The following EDA2R variants were observed in gnomAD, a reference collection of about 807,000 sequenced individuals.
EDA2R encodes the protein ectodysplasin A2 receptor.
EDA2R carries 26 observed loss-of-function variants against 20.1 expected under a neutral mutation model. The ratio of observed to expected loss-of-function variants is 1.30; its 90% CI spans 0.95 to 1.80. The LOEUF is 1.80. EDA2R is among the 40% of genes most tolerant of loss of function. The pLI is 0.00. For missense variants in EDA2R, 277 were observed against 228.7 expected (o/e 1.21, Z -1.36); for synonymous variants, 114 against 88.7 (o/e 1.29, Z -1.60).
At chrX:66,610,606 C>T (rs1282816227) in intron 2 of EDA2R, among the ~76,000 whole-genome samples, 4 of 111,614 alleles carry the variant, frequency 3.6e-5, no homozygotes, top group Non-Finnish European at 7.5e-5. Context: ...TATTGGTTAA[C>T]TCAGAAAACA....
intron 1 of EDA2R, among the ~76,000 whole-genome samples, chrX:66,620,951 T>C (rs1448900695): frequency 8.5e-5 from 8 of 94,515 alleles, no homozygotes; most frequent in Non-Finnish European, 1.3e-4. Flanking sequence ...AAAACAGCAC[T>C]TTATATCCAC....
chrX:66,637,985 G>T (rs902455745), intron 1 of EDA2R, among the ~76,000 whole-genome samples: 2 of 111,858 alleles, frequency 1.8e-5, no homozygotes, highest in African/African-American at 3.3e-5. Flanking sequence ...TTCAAAAAAA[G>T]AATAAAAAAA....
chrX:66,608,381 C>A (rs1374540152), intron 2 of EDA2R, among the ~76,000 whole-genome samples: 3 of 111,123 alleles, frequency 2.7e-5, no homozygotes, highest in African/African-American at 9.8e-5. Context: ...ATAAAGAGAC[C>A]TATGCTGAGA....
At chrX:66,613,953 T>C (rs1931234396) in intron 2 of EDA2R, among the ~76,000 whole-genome samples, 1 of 111,540 alleles carries the variant, frequency 9.0e-6, no homozygotes, top group African/African-American at 3.3e-5. Flanking sequence ...AACACTGATT[T>C]CATTCTAGGT....
rs1484412970 is a variant in EDA2R at position 66,599,748 on chromosome X, C to A, written c.630G>T (p.Gln210His). Reference protein sequence around the residue: ...AESQVSENIFQTQPLNPILED... With the variant: ...AESQVSENIFHTQPLNPILED... Reference sequence around the variant, plus strand: ...CGAGGATAGGGTTAAGTGGCTGGGTCTGAAAGATGTTCTCACTCACTTGGG... The same window carrying A: ...CGAGGATAGGGTTAAGTGGCTGGGTATGAAAGATGTTCTCACTCACTTGGG... Residue 210 changes from glutamine to histidine, a missense_variant, in exon 6 of 7, where the codon CAG becomes CAT. Physicochemically the swap from Gln to His is conservative, Grantham distance 24 (BLOSUM62 0). Transcript: ENST00000374719. 1.7e-6 allele frequency: 2 copies of A among 1,208,203 alleles called. No homozygotes were observed. Among genetic ancestry groups the A allele is most frequent in the Non-Finnish European group, 2.2e-6 (2 of 894,584 alleles).
intron 1 of EDA2R, among the ~76,000 whole-genome samples, chrX:66,637,829 C>T (rs1395407550): frequency 2.7e-5 from 3 of 111,828 alleles, no homozygotes; most frequent in African/African-American, 9.8e-5. Flanking sequence ...GAGGTGGGTG[C>T]TATTATTATC....
At position 66,605,198 on chromosome X, in the gene EDA2R, G is replaced by A; in HGVS notation, c.116C>T (p.Ala39Val). The A allele has an allele frequency of 1.7e-6, 2 of 1,208,754 alleles. No homozygotes were observed. The highest frequency in any genetic ancestry group is 2.2e-6 in the Non-Finnish European group (2 of 894,101). The change falls in exon 3 of 7, where the codon GCC (alanine) becomes GTC (valine). Residue 39 changes from alanine to valine, a missense_variant. Ala to Val is a moderately conservative substitution (Grantham distance 64). Coordinates refer to ENST00000374719, the MANE Select transcript of EDA2R (RefSeq NM_021783.5). ...GCGAGGAGGGCAGGCTGTGCAGTAG[G>A]CATCTCCACCCTCTCCATAACCACA... ...KDCGYGEGGD[A>V]YCTACPPRRY...
chrX:66,602,616 G>A lies in EDA2R; in HGVS notation c.517+17C>T. ...CTTGTTCCTGATTCATGTGAAACAT[G>A]AAACAGCCACCCTTACCACGCTGGC... On this transcript the variant is annotated intron_variant, in intron 5 of 6. Coordinates refer to ENST00000374719, the MANE Select transcript of EDA2R (RefSeq NM_021783.5). 8.5e-7 allele frequency: 1 copy of A among 1,180,897 alleles called. No homozygotes were observed. The highest frequency in any genetic ancestry group is 1.1e-6 in the Non-Finnish European group (1 of 880,232).
chrX:66,631,752 T>C lies in EDA2R; in HGVS notation c.-11+7243A>G, dbSNP rs7064862. On this transcript the variant is annotated intron_variant, in intron 1 of 6. Transcript: ENST00000374719. ...TGAAGACAAACAGAATGACCAGAGTTAGAGATTCTGGGAGTTTCTGCCTGG... is the reference window on the plus strand; with the variant it reads ...TGAAGACAAACAGAATGACCAGAGTCAGAGATTCTGGGAGTTTCTGCCTGG... 2.5e-3 allele frequency among the ~76,000 whole-genome samples: 277 copies of C among 111,327 alleles called. 1 individual carries two copies. The highest frequency in any genetic ancestry group is 8.7e-3 in the African/African-American group (266 of 30,622).
At chrX:66,637,695 C>T (rs991552727) in intron 1 of EDA2R, among the ~76,000 whole-genome samples, 5 of 112,384 alleles carry the variant, frequency 4.4e-5, no homozygotes, top group Admixed American at 3.8e-4. Flanking sequence ...ATCTGTGTGC[C>T]ACAGTCTATC....
chrX:66,600,120 G>A (rs911623984), intron 5 of EDA2R: 2 of 1,109,090 alleles, frequency 1.8e-6, no homozygotes, highest in Admixed American at 5.5e-5. Context: ...ACCTTTGTGG[G>A]AAACAGGATT....
chrX:66,599,988 C>T, intron 5 of EDA2R, 128 bp from the exon 6 acceptor site: 1 of 1,129,217 alleles, frequency 8.9e-7, no homozygotes, highest in Non-Finnish European at 1.2e-6. Context: ...TCCCTGGGGT[C>T]TAGAGCACCT....
At chrX:66,632,488 AAAGAAGG>A (rs1384100951) in intron 1 of EDA2R, among the ~76,000 whole-genome samples, 1 of 108,873 alleles carries the variant, frequency 9.2e-6, no homozygotes, top group East Asian at 2.9e-4. Context: ...AAGAAGGAAG[AAAGAAGG>A]AAGAAGGAAG....
intron 1 of EDA2R, among the ~76,000 whole-genome samples, chrX:66,619,470 G>C (rs976357840): frequency 1.8e-5 from 2 of 111,944 alleles, no homozygotes; most frequent in South Asian, 3.7e-4. Context: ...TTATGAAATA[G>C]CACATGATTT....
At chrX:66,622,363 G>A (rs150507570) in intron 1 of EDA2R, among the ~76,000 whole-genome samples, 2,606 of 111,586 alleles carry the variant, frequency 0.023, 84 homozygotes, top group African/African-American at 0.08. Context: ...GGCTGCTGGG[G>A]GTGCAGCTGC....
chrX:66,598,950 C>T (rs1156320298), intron 6 of EDA2R, among the ~76,000 whole-genome samples: 1 of 111,676 alleles, frequency 9.0e-6, no homozygotes, highest in East Asian at 2.8e-4. Context: ...TGGGTTCTTG[C>T]ACAGTTCTAG....
At chrX:66,614,039 T>G (rs1931252525) in intron 2 of EDA2R, among the ~76,000 whole-genome samples, 1 of 111,219 alleles carries the variant, frequency 9.0e-6, no homozygotes, top group African/African-American at 3.3e-5. Context: ...GGCCAGATAC[T>G]TATTTCCCAG....
chrX:66,611,773 TCAAA>T (rs1054185369), intron 2 of EDA2R, among the ~76,000 whole-genome samples: 3 of 111,583 alleles, frequency 2.7e-5, no homozygotes, highest in African/African-American at 9.8e-5. Context: ...AAAAATATTT[TCAAA>T]CAAATTGGAA....
chrX:66,626,640 A>G (rs1398822950), intron 1 of EDA2R, among the ~76,000 whole-genome samples: 8 of 110,476 alleles, frequency 7.2e-5, no homozygotes, highest in Non-Finnish European at 1.5e-4. Context: ...AGAGATCTAG[A>G]CATCCAAATA....
Sources: allele counts gnomAD v4.1 joint callset (sites outside exome capture counted in the v4.1 genomes callset), GRCh38; gene constraint gnomAD v4.1.1; transcripts MANE v1.5; gene names NCBI Gene and HGNC (gene_info 2026-07-23, HGNC 2026-07-21).